The following IQCJ variants were observed in gnomAD, a reference collection of about 807,000 sequenced individuals.
IQCJ encodes IQ motif containing J.
IQCJ carries 9 observed loss-of-function variants against 11.0 expected under a neutral mutation model. The ratio of observed to expected loss-of-function variants is 0.82; its 90% CI spans 0.49 to 1.43. The LOEUF is 1.43. Among genes scored for constraint, IQCJ ranks in the 40% most tolerant of loss-of-function variants. The pLI, the probability that IQCJ is intolerant of heterozygous loss-of-function variation, is 0.00. For missense variants in IQCJ, 146 were observed against 133.2 expected (o/e 1.10, Z -0.47); for synonymous variants, 55 against 51.3 (o/e 1.07, Z -0.31).
intron 1 of IQCJ, among the ~76,000 whole-genome samples, chr3:159,159,931 A>G (rs1721743934): frequency 6.6e-6 from 1 of 152,158 alleles, no homozygotes; most frequent in Non-Finnish European, 1.5e-5. Context: ...CACTAGAAGT[A>G]GATGCCGACC....
intron 1 of IQCJ, among the ~76,000 whole-genome samples, chr3:159,126,148 G>T (rs964578007): frequency 2.6e-5 from 4 of 152,120 alleles, no homozygotes; most frequent in African/African-American, 9.7e-5. Flanking sequence ...GTGAACTCTG[G>T]CAGTGTGAAG....
At chr3:159,162,438 C>T (rs1052963328) in intron 1 of IQCJ, among the ~76,000 whole-genome samples, 3 of 152,078 alleles carry the variant, frequency 2.0e-5, no homozygotes, top group Non-Finnish European at 2.9e-5. Context: ...TGGGCTGAGA[C>T]AGTGGGGTTT....
intron 1 of IQCJ, among the ~76,000 whole-genome samples, chr3:159,077,947 C>T (rs1260145082): frequency 1.3e-5 from 2 of 152,000 alleles, no homozygotes; most frequent in Non-Finnish European, 2.9e-5. Context: ...ATTGAGCCAA[C>T]TATCATCTTT....
At chr3:159,181,237 T>G (rs1723074291) in intron 1 of IQCJ, among the ~76,000 whole-genome samples, 1 of 151,660 alleles carries the variant, frequency 6.6e-6, no homozygotes, top group Non-Finnish European at 1.5e-5. Flanking sequence ...CACTCTCTCC[T>G]GCTGCCTTTC....
intron 1 of IQCJ, among the ~76,000 whole-genome samples, chr3:159,080,881 G>A (rs1490419946): frequency 6.6e-6 from 1 of 152,086 alleles, no homozygotes; most frequent in African/African-American, 2.4e-5. Context: ...AATAGTGATT[G>A]TAAGTATTTA....
At chr3:159,107,115 C>G (rs972371168) in intron 1 of IQCJ, among the ~76,000 whole-genome samples, 11 of 152,110 alleles carry the variant, frequency 7.2e-5, no homozygotes, top group African/African-American at 2.7e-4. Flanking sequence ...CCTTTATCTG[C>G]CCTACCTGCT....
chr3:159,219,772 C>G (rs572070733), intron 1 of IQCJ, among the ~76,000 whole-genome samples: 10 of 152,092 alleles, frequency 6.6e-5, no homozygotes, highest in Non-Finnish European at 1.0e-4. Flanking sequence ...GACCTATATT[C>G]TACAGCTGGG....
intron 1 of IQCJ, among the ~76,000 whole-genome samples, chr3:159,075,399 A>C (rs1056384034): frequency 6.6e-6 from 1 of 152,130 alleles, no homozygotes; most frequent in African/African-American, 2.4e-5. Context: ...AACTGCCTAC[A>C]TTGACTTGTG....
At chr3:159,258,057 C>A (rs143101110) in intron 3 of IQCJ, among the ~76,000 whole-genome samples, 1 of 152,186 alleles carries the variant, frequency 6.6e-6, no homozygotes, top group Non-Finnish European at 1.5e-5. Context: ...CATGGTCTAA[C>A]GTGCTTTAAG....
At chr3:159,253,208 T>C (rs944324850) in intron 3 of IQCJ, among the ~76,000 whole-genome samples, 2 of 151,640 alleles carry the variant, frequency 1.3e-5, no homozygotes, top group Non-Finnish European at 2.9e-5. Flanking sequence ...CTTCTTTCTA[T>C]TTCAGCTTCT....
intron 1 of IQCJ, among the ~76,000 whole-genome samples, chr3:159,103,420 C>T (rs1315373772): frequency 6.6e-6 from 1 of 152,152 alleles, no homozygotes; most frequent in Non-Finnish European, 1.5e-5. Context: ...ATACTCCACT[C>T]TTGAGGTACT....
chr3:159,143,956 G>A (rs1476001005), intron 1 of IQCJ, among the ~76,000 whole-genome samples: 2 of 152,212 alleles, frequency 1.3e-5, no homozygotes, highest in Non-Finnish European at 2.9e-5. Flanking sequence ...CTCCTGAGGG[G>A]TTCAATGTTG....
At chr3:159,089,407 C>T (rs1197130201) in intron 1 of IQCJ, among the ~76,000 whole-genome samples, 1 of 151,970 alleles carries the variant, frequency 6.6e-6, no homozygotes, top group Non-Finnish European at 1.5e-5. Context: ...CTTGGAGTTG[C>T]TCTTCTCGAG....
chr3:159,248,750 T>G (rs1727419495), intron 2 of IQCJ, among the ~76,000 whole-genome samples: 1 of 152,192 alleles, frequency 6.6e-6, no homozygotes, highest in Admixed American at 6.5e-5. Context: ...TAGGCTCATT[T>G]CACTTATTCA....
intron 1 of IQCJ, among the ~76,000 whole-genome samples, chr3:159,113,281 T>C (rs1287374630): frequency 6.6e-6 from 1 of 152,248 alleles, no homozygotes; most frequent in Non-Finnish European, 1.5e-5. Context: ...GTCAAGTTTC[T>C]GACTTAAGTG....
intron 1 of IQCJ, among the ~76,000 whole-genome samples, chr3:159,168,488 C>G (rs1226149194): frequency 1.3e-5 from 2 of 152,144 alleles, no homozygotes; most frequent in Non-Finnish European, 2.9e-5. Flanking sequence ...GGTTCCTCCT[C>G]CACCATAACC....
intron 3 of IQCJ, among the ~76,000 whole-genome samples, chr3:159,260,452 T>C (rs1728134954): frequency 6.6e-6 from 1 of 152,194 alleles, no homozygotes; most frequent in Non-Finnish European, 1.5e-5. Flanking sequence ...TTACACATTC[T>C]GAGCTCTTGA....
Position 159,262,914 on chromosome 3 carries a change from A to G in IQCJ, c.*183A>G, listed in dbSNP as rs558330490. The stretch of plus-strand genomic sequence containing the variant: ...ATCAAGTCTGGAGAAAATAGATTGC[A>G]TTTATGTGTTCTCATTTCTCTATTA... On this transcript the variant is annotated 3_prime_UTR_variant, in exon 4 of 4. Transcript: ENST00000397832. 13 of 1,368,668 alleles carry G rather than the reference A, an allele frequency of 9.5e-6. No homozygotes were observed. In the Middle Eastern group the frequency reaches 7.5e-4, roughly 79 times the overall value. 84.8% of individuals were successfully genotyped at this position (1,368,668 alleles called of 1,614,324 possible). A position where few individuals can be genotyped will look rare whatever the true frequency, so the allele number is the denominator to read the frequency against.
intron 1 of IQCJ, among the ~76,000 whole-genome samples, chr3:159,224,605 T>C (rs908163615): frequency 3.3e-5 from 5 of 152,192 alleles, no homozygotes; most frequent in African/African-American, 9.7e-5. Flanking sequence ...TCAACAGAGA[T>C]ATAAGATCAG....
Sources: gnomAD v4.1 joint callset for allele counts (sites outside exome capture counted in the v4.1 genomes callset) on GRCh38, gnomAD v4.1.1 for gene constraint, MANE v1.5 for transcripts, NCBI Gene and HGNC (gene_info 2026-07-23, HGNC 2026-07-21) for gene names.